Variants in PCDHGA2 observed in about 807,000 individuals in gnomAD.
PCDHGA2 encodes the protein protocadherin gamma subfamily A, 2, also known as protocadherin gamma-A2.
A neutral mutation model predicts 59.2 loss-of-function variants in PCDHGA2; 40 were observed. The observed-to-expected ratio is 0.68, with a 90% CI of 0.52 to 0.88. The LOEUF is 0.88. Ranked by LOEUF, PCDHGA2 falls within the 40% of genes least tolerant of loss-of-function variation. The probability of loss-of-function intolerance (pLI) is 0.00; values close to 1 mark genes in which losing one functional copy is unlikely to be tolerated. For missense variants in PCDHGA2, 1,226 were observed against 1,204.0 expected, an observed-to-expected ratio of 1.02 and a Z score of -0.27; for synonymous variants, 560 against 526.0, an observed-to-expected ratio of 1.06 and a Z score of -0.89.
At chr5:141,458,645 C>T (rs1162232847) in intron 1 of PCDHGA2, among the ~76,000 whole-genome samples, 2 of 152,170 alleles carry the variant, frequency 1.3e-5, no homozygotes, top group Non-Finnish European at 2.9e-5. Flanking sequence ...TCCCAGCTCA[C>T]TGCAACCTCC....
At chr5:141,456,777 A>G (rs572940615) in intron 1 of PCDHGA2, among the ~76,000 whole-genome samples, 2 of 152,214 alleles carry the variant, frequency 1.3e-5, no homozygotes, top group Admixed American at 6.5e-5. Flanking sequence ...AGCCTGGCCT[A>G]CATGGCAAAA....
chr5:141,449,562 C>T (rs1374591292), intron 1 of PCDHGA2, among the ~76,000 whole-genome samples: 1 of 143,862 alleles, frequency 7.0e-6, no homozygotes, highest in East Asian at 2.0e-4. Context: ...GCACTCCAGC[C>T]TGGGCGACAG....
rs750109717 is a variant in PCDHGA2, at chr5:141,490,546, A to C, written c.2425-4261A>C. 1.9e-6 allele frequency: 3 copies of C among 1,614,110 alleles called. No individual in the cohort carries two copies. Among genetic ancestry groups the C allele is most frequent in the Non-Finnish European group, 2.5e-6 (3 of 1,180,036 alleles). On this transcript the variant is annotated intron_variant, in intron 1 of 3. Transcript: ENST00000394576. The surrounding 1 kb of genome is among the most constrained non-coding windows in gnomAD (Gnocchi z 5.4). ...CGATGCTGGTTCACCTTCCCTACAC[A>C]AACATCTCACCATCAGGCTCAACAT...
chr5:141,429,450 A>G (rs1326036711), intron 1 of PCDHGA2, among the ~76,000 whole-genome samples: 1 of 152,114 alleles, frequency 6.6e-6, no homozygotes, highest in East Asian at 1.9e-4. Context: ...CTTGGGCTAC[A>G]GTAATCCTCC....
intron 1 of PCDHGA2, chr5:141,350,934 T>C: frequency 3.1e-6 from 5 of 1,614,102 alleles, no homozygotes; most frequent in Admixed American, 1.7e-5. Context: ...ACCACCCATA[T>C]CTGGATCCGA....
Position 141,477,809 on chromosome 5 carries a change from C to A in PCDHGA2, c.2425-16998C>A. 1 of 1,614,146 alleles carries A rather than the reference C, an allele frequency of 6.2e-7. No individual in the cohort carries two copies. Among genetic ancestry groups the A allele is most frequent in the Non-Finnish European group, 8.5e-7 (1 of 1,180,040 alleles). On this transcript the variant is annotated intron_variant, in intron 1 of 3. Coordinates refer to ENST00000394576, the MANE Select transcript of PCDHGA2 (RefSeq NM_018915.4). The surrounding 1 kb of genome is among the most constrained non-coding windows in gnomAD (Gnocchi z 4.9). ...TGTCACTGATCGCAATGACAATGCC[C>A]CCCAGGTCCTATATCCTCGGCCAGG...
At position 141,419,527 on chromosome 5, in the gene PCDHGA2, C is replaced by G. The variant is rs755936657; in HGVS notation, c.2425-75280C>G. ...TGCGCGTGTTGGTGGGCGACCGTAA[C>G]GACAACGCACCGCGGGTGCTGTACC... is the stretch of plus-strand genomic sequence containing the variant. On this transcript the variant is annotated intron_variant, in intron 1 of 3. Transcript: ENST00000394576. The G allele has an allele frequency of 6.8e-5, 110 of 1,612,064 alleles. 2 individuals carry two copies. In the South Asian group the frequency reaches 9.6e-4, roughly 14 times the overall value.
chr5:141,503,181 A>C (rs532503504), intron 2 of PCDHGA2, among the ~76,000 whole-genome samples: 54 of 152,060 alleles, frequency 3.6e-4, no homozygotes, highest in African/African-American at 1.3e-3. Context: ...TCTATTGTGT[A>C]ATTATTTAAA....
chr5:141,413,371 C>G (rs752898022), intron 1 of PCDHGA2: 1 of 1,613,966 alleles, frequency 6.2e-7, no homozygotes, highest in Non-Finnish European at 8.5e-7. Context: ...GCTGGCGGAG[C>G]GCGGAGTCCG....
At position 141,481,036 on chromosome 5, in the gene PCDHGA2, C is replaced by T. The variant is rs1040377549; in HGVS notation, c.2425-13771C>T. Among the ~76,000 whole-genome samples, 19 of 151,964 alleles carry T rather than the reference C, an allele frequency of 1.3e-4. 1 individual carries two copies. The highest frequency in any genetic ancestry group is 3.4e-4 in the African/African-American group (14 of 41,456). ...TCACACCACTGCACTCCAGCCTGGG[C>T]GACAGAGCGAGACTCCACCTCAAAA... is the stretch of plus-strand genomic sequence containing the variant. On this transcript the variant is annotated intron_variant, in intron 1 of 3. Transcript: ENST00000394576.
At position 141,403,190 on chromosome 5, in the gene PCDHGA2, C is replaced by G. The variant is rs768673759; in HGVS notation, c.2424+61795C>G. The G allele has an allele frequency of 1.1e-5, 17 of 1,613,864 alleles. No homozygotes were observed. The African/African-American group carries it at 2.0e-4, about 19-fold the overall frequency. On this transcript the variant is annotated intron_variant, in intron 1 of 3. Coordinates refer to ENST00000394576, the MANE Select transcript of PCDHGA2 (RefSeq NM_018915.4). ...GACGCAGCTTTTCTCTCTGAACCCG[C>G]GCAGCGGCACCTTGGTCACCGCGGG...
chr5:141,485,359 C>T lies in PCDHGA2; in HGVS notation c.2425-9448C>T. ...TGGATACGGACAGTCTGTCAGCTCG[C>T]AGGCTGCAGGTCGCTGGAGAGGTGA... is the stretch of plus-strand genomic sequence containing the variant. On this transcript the variant is annotated intron_variant, in intron 1 of 3. Transcript: ENST00000394576. The surrounding 1 kb of genome is among the most constrained non-coding windows in gnomAD (Gnocchi z 5.7). 6.2e-7 allele frequency: 1 copy of T among 1,614,144 alleles called. No homozygotes were observed. The highest frequency in any genetic ancestry group is 8.5e-7 in the Non-Finnish European group (1 of 1,180,010).
intron 1 of PCDHGA2, chr5:141,426,221 A>G (rs1279749881): frequency 6.3e-6 from 1 of 158,300 alleles, no homozygotes; most frequent in Non-Finnish European, 1.4e-5. Context: ...GGAAGTAAAT[A>G]TTTTAAAAGC....
chr5:141,495,300 C>T (rs1249195819), intron 2 of PCDHGA2, among the ~76,000 whole-genome samples: 1 of 152,204 alleles, frequency 6.6e-6, no homozygotes, highest in Non-Finnish European at 1.5e-5. Context: ...AGCGCCTCCT[C>T]CAGAGCCTCC....
intron 1 of PCDHGA2, chr5:141,352,529 G>A: frequency 1.2e-6 from 2 of 1,613,988 alleles, no homozygotes; most frequent in Non-Finnish European, 8.5e-7. Flanking sequence ...CTCTCATTCT[G>A]CAAAGACAGA....
chr5:141,420,176 C>CA (rs1162032152), intron 1 of PCDHGA2: 5 of 1,613,874 alleles, frequency 3.1e-6, no homozygotes, highest in Non-Finnish European at 4.2e-6. Flanking sequence ...ATCTGTTGAT[C>CA]ATTGTCCAGC....
chr5:141,355,556 T>A, intron 1 of PCDHGA2: 1 of 1,613,912 alleles, frequency 6.2e-7, no homozygotes, highest in Non-Finnish European at 8.5e-7. Flanking sequence ...ATTTTGCGGG[T>A]AGAGGTGGAA....
At chr5:141,399,254 G>A (rs2093775351) in intron 1 of PCDHGA2, 1 of 1,613,806 alleles carries the variant, frequency 6.2e-7, no homozygotes, top group East Asian at 2.2e-5. Context: ...GGGGAAAATG[G>A]GGAGGTTAAT....
At chr5:141,376,215 T>C in intron 1 of PCDHGA2, 1 of 1,614,216 alleles carries the variant, frequency 6.2e-7, no homozygotes, top group Non-Finnish European at 8.5e-7. Flanking sequence ...GTCATCGTGC[T>C]GCTGGCGCTC....
Sources: allele counts gnomAD v4.1 joint callset (sites outside exome capture counted in the v4.1 genomes callset), GRCh38; gene constraint gnomAD v4.1.1; non-coding constraint Gnocchi (gnomAD v3.1); transcripts MANE v1.5; gene names NCBI Gene and HGNC (gene_info 2026-07-23, HGNC 2026-07-21).